HLCS: variants seen among roughly 807,000 people sequenced by gnomAD.
The protein encoded by HLCS is biotin--protein ligase.
Under a neutral mutation model 75.0 loss-of-function variants are expected in HLCS, and 53 were observed. The observed-to-expected ratio is 0.71, with a 90% CI of 0.57 to 0.89. The LOEUF (loss-of-function observed/expected upper bound fraction) is 0.89. Ranked by LOEUF, HLCS falls within the 40% of genes least tolerant of loss-of-function variation. The pLI, the probability that HLCS is intolerant of heterozygous loss-of-function variation, is 0.00. For missense variants in HLCS, 966 were observed against 1,074.0 expected (o/e 0.90, Z 1.41); for synonymous variants, 431 against 428.6 (o/e 1.01, Z -0.07).
chr21:36,977,761 A>G (rs952699370), intron 1 of HLCS, among the ~76,000 whole-genome samples: 1 of 152,220 alleles, frequency 6.6e-6, no homozygotes, highest in Non-Finnish European at 1.5e-5. Flanking sequence ...ACCAGGGCAA[A>G]TGCCTCTCGT....
intron 5 of HLCS, among the ~76,000 whole-genome samples, chr21:36,900,707 A>G (rs1382709962): frequency 6.6e-6 from 1 of 152,212 alleles, no homozygotes; most frequent in Non-Finnish European, 1.5e-5. Context: ...GAGTGAGACT[A>G]CTGCCTGGAC....
At chr21:36,898,353 G>A (rs767480647) in intron 5 of HLCS, among the ~76,000 whole-genome samples, 18 of 146,410 alleles carry the variant, frequency 1.2e-4, no homozygotes, top group Non-Finnish European at 2.4e-4. Context: ...GGCTGAGACA[G>A]GAGAATCGCT....
intron 4 of HLCS, among the ~76,000 whole-genome samples, chr21:36,931,576 C>A (rs1288534476): frequency 1.3e-5 from 2 of 151,836 alleles, no homozygotes; most frequent in South Asian, 2.1e-4. Context: ...ATAGTGAAAC[C>A]CTGTCTCTAC....
At chr21:36,772,529 C>CT (rs1221899974) in intron 6 of HLCS, among the ~76,000 whole-genome samples, 1 of 149,666 alleles carries the variant, frequency 6.7e-6, no homozygotes, top group East Asian at 2.0e-4. Context: ...GTTCCAGCTA[C>CT]TTGGGAGGCT....
chr21:36,922,454 G>A (rs1447946045), intron 5 of HLCS, among the ~76,000 whole-genome samples: 1 of 152,192 alleles, frequency 6.6e-6, no homozygotes, highest in Admixed American at 6.5e-5. Flanking sequence ...GGTAGTACCT[G>A]GATAGCTGTG....
chr21:36,882,040 TG>T (rs2064241803), intron 6 of HLCS, among the ~76,000 whole-genome samples: 1 of 151,998 alleles, frequency 6.6e-6, no homozygotes, highest in African/African-American at 2.4e-5. Flanking sequence ...CCCAGCATTT[TG>T]GGAGGCCGAA....
intron 6 of HLCS, among the ~76,000 whole-genome samples, chr21:36,823,898 T>C (rs898066716): frequency 1.3e-5 from 2 of 152,158 alleles, no homozygotes; most frequent in South Asian, 2.1e-4. Context: ...TCTAACCCTA[T>C]ATATAGCACC....
rs113804566 is a variant in HLCS at position 36,767,564 on chromosome 21, T to G, written c.1893-279A>C. Reference sequence around the variant, plus strand: ...TGTACCTGCCTGAGCCGTTACTCCATTTATTAAAGACTTGGTTAGATTCTA... The same window carrying G: ...TGTACCTGCCTGAGCCGTTACTCCAGTTATTAAAGACTTGGTTAGATTCTA... On this transcript the variant is annotated intron_variant, in intron 6 of 10. Transcript: ENST00000674895. Among the ~76,000 whole-genome samples the G allele has an allele frequency of 9.1e-3, 1,384 of 152,262 alleles. 22 individuals are homozygous for G. The highest frequency in any genetic ancestry group is 0.031 in the African/African-American group (1,297 of 41,550).
rs1484124896 is a variant in HLCS, at chr21:36,751,129, G to A, written c.*3117C>T. The A allele has an allele frequency of 6.6e-6, 1 of 152,198 alleles. No individual in the cohort carries two copies. The highest frequency in any genetic ancestry group is 1.5e-5 in the Non-Finnish European group (1 of 67,978). The allele number at this position is 152,198 out of a possible 1,614,324, so 9.4% of individuals were successfully genotyped here. A position where few individuals can be genotyped will look rare whatever the true frequency, so the allele number is the denominator to read the frequency against. Reference sequence around the variant, plus strand: ...ATGTTTAAATATGAATAAAAATACTGTAACCCAAAGTAGTTGCCTACTTTT... The same window carrying A: ...ATGTTTAAATATGAATAAAAATACTATAACCCAAAGTAGTTGCCTACTTTT... On this transcript the variant is annotated 3_prime_UTR_variant, in exon 11 of 11. Transcript: ENST00000674895.
At position 36,930,377 on chromosome 21, in the gene HLCS, GT is replaced by G. The variant is rs1410116874; in HGVS notation, c.1493del (p.Asn498ThrfsTer18). Reference protein sequence around the residue: ...SNIVQTPEDFNLLKSSNFRRY... With the variant: ...SNIVQTPEDFXLLKSSNFRRY... ...TTCTAAAATTGCTTGACTTGAGCAAGTTAAAATCTTCTGGAGTTTGCACTAT... is the reference window on the plus strand; with the variant it reads ...TTCTAAAATTGCTTGACTTGAGCAAGTAAAATCTTCTGGAGTTTGCACTAT... On this transcript the variant is annotated frameshift_variant, in exon 5 of 11. Transcript: ENST00000674895. LOFTEE classifies it high-confidence loss of function. 1 of 1,614,070 alleles carries G rather than the reference GT, an allele frequency of 6.2e-7. No individual in the cohort carries two copies. Among genetic ancestry groups the G allele is most frequent in the Non-Finnish European group, 8.5e-7 (1 of 1,180,028 alleles).
intron 2 of HLCS, among the ~76,000 whole-genome samples, chr21:36,960,535 C>T (rs146453086): frequency 6.6e-6 from 1 of 152,338 alleles, no homozygotes; most frequent in Admixed American, 6.5e-5. Flanking sequence ...TCCAGGGCCC[C>T]CATCAGAAAG....
At chr21:36,978,029 G>A (rs533570179) in intron 1 of HLCS, among the ~76,000 whole-genome samples, 7 of 152,268 alleles carry the variant, frequency 4.6e-5, no homozygotes, top group South Asian at 2.1e-4. Context: ...TTTCAGGCAC[G>A]GAAAAGCCCA....
rs533325645 is a variant in HLCS, at chr21:36,750,798, T to A, written c.*3448A>T. 3.3e-5 allele frequency: 5 copies of A among 151,186 alleles called. No individual in the cohort carries two copies. The South Asian group carries it at 1.1e-3, about 32-fold the overall frequency. 9.4% of individuals were successfully genotyped at this position (151,186 alleles called of 1,614,324 possible). Reference sequence around the variant, plus strand: ...CTAAACTTAAGTATGACATATAAGATTAAAATCTTGGGGGGAAAAACTGTT... The same window carrying A: ...CTAAACTTAAGTATGACATATAAGAATAAAATCTTGGGGGGAAAAACTGTT... On this transcript the variant is annotated 3_prime_UTR_variant, in exon 11 of 11. Coordinates refer to ENST00000674895, the MANE Select transcript of HLCS (RefSeq NM_001352514.2).
intron 5 of HLCS, among the ~76,000 whole-genome samples, chr21:36,911,334 C>G (rs1418580417): frequency 6.6e-6 from 1 of 152,136 alleles, no homozygotes; most frequent in Non-Finnish European, 1.5e-5. Flanking sequence ...TCCAGCCATC[C>G]TTCTCTGGGG....
chr21:36,791,616 G>A (rs2060866896), intron 6 of HLCS, among the ~76,000 whole-genome samples: 1 of 152,122 alleles, frequency 6.6e-6, no homozygotes, highest in Non-Finnish European at 1.5e-5. Context: ...TACTCTAGGT[G>A]GGTTAGTACC....
intron 6 of HLCS, among the ~76,000 whole-genome samples, chr21:36,807,259 C>T (rs1383021178): frequency 6.6e-6 from 1 of 152,132 alleles, no homozygotes; most frequent in Non-Finnish European, 1.5e-5. Flanking sequence ...ACCACAGAGA[C>T]ACTCTTTATT....
intron 9 of HLCS, among the ~76,000 whole-genome samples, chr21:36,758,753 C>A (rs561093091): frequency 6.6e-6 from 1 of 152,032 alleles, no homozygotes; most frequent in South Asian, 2.1e-4. Context: ...GAGGCCGAGG[C>A]GGGCGGATCA....
At chr21:36,809,153 G>T (rs568277727) in intron 6 of HLCS, among the ~76,000 whole-genome samples, 9 of 152,074 alleles carry the variant, frequency 5.9e-5, no homozygotes, top group African/African-American at 1.9e-4. Context: ...GGCAGAGATT[G>T]CAGTGAGCCG....
intron 6 of HLCS, among the ~76,000 whole-genome samples, chr21:36,889,445 A>G (rs1475744875): frequency 6.6e-6 from 1 of 152,224 alleles, no homozygotes; most frequent in African/African-American, 2.4e-5. Flanking sequence ...ACAATGACTC[A>G]GTTACCCCAA....
Sources: gnomAD v4.1 joint callset for allele counts (sites outside exome capture counted in the v4.1 genomes callset) on GRCh38, gnomAD v4.1.1 for gene constraint, MANE v1.5 for transcripts, NCBI Gene and HGNC (gene_info 2026-07-23, HGNC 2026-07-21) for gene names.